Variants in LEPR observed in about 807,000 individuals in gnomAD.
LEPR encodes the protein leptin receptor, also known as OB receptor.
LEPR carries 56 observed loss-of-function variants against 114.7 expected under a neutral mutation model. That is an observed-to-expected ratio of 0.49 (90% CI 0.39 to 0.61). LEPR has a LOEUF of 0.61. Among genes scored for constraint, LEPR ranks in the 20% least tolerant of loss-of-function variants. The probability of loss-of-function intolerance (pLI) is 0.00; values close to 1 mark genes in which losing one functional copy is unlikely to be tolerated. For synonymous variants in LEPR, 443 were observed against 461.4 expected (o/e 0.96, Z 0.51); for missense variants, 1,202 against 1,352.9 (o/e 0.89, Z 1.75).
At chr1:65,582,443 G>A (rs1055676789) in intron 5 of LEPR, among the ~76,000 whole-genome samples, 3 of 152,242 alleles carry the variant, frequency 2.0e-5, no homozygotes, top group South Asian at 4.1e-4. Flanking sequence ...CCTGGCTATC[G>A]GCTGGAGACC....
intron 7 of LEPR, among the ~76,000 whole-genome samples, chr1:65,598,095 CTTTT>C (rs1226626771): frequency 0.016 from 1,596 of 101,518 alleles, 71 homozygotes; most frequent in African/African-American, 0.066. Context: ...CCTCCTGCCT[CTTTT>C]TTTTTTTTTT....
rs150936702 is a variant in LEPR, at chr1:65,618,011, G to A, written c.2260G>A (p.Val754Met). 1.0e-3 allele frequency: 1,634 copies of A among 1,612,852 alleles called. 1 individual carries two copies. The highest frequency in any genetic ancestry group is 1.3e-3 in the Non-Finnish European group (1,561 of 1,179,552). ...TGCTTATCCTTTAAACAGCAGTTGTGTGATTGTTTCCTGGATACTATCACC... is the reference window on the plus strand; with the variant it reads ...TGCTTATCCTTTAAACAGCAGTTGTATGATTGTTTCCTGGATACTATCACC... Reference protein sequence around the residue: ...LSAYPLNSSCVIVSWILSPSD... With the variant: ...LSAYPLNSSCMIVSWILSPSD... Residue 754 changes from valine to methionine, a missense_variant, in exon 16 of 20, where the codon GTG becomes ATG. Val to Met is a conservative substitution (Grantham distance 21). Transcript: ENST00000349533.
chr1:65,440,000 CAAAA>C (rs550347312), intron 2 of LEPR, among the ~76,000 whole-genome samples: 22 of 58,144 alleles, frequency 3.8e-4, no homozygotes, highest in Non-Finnish European at 5.5e-4. Flanking sequence ...GATTCTGTCT[CAAAA>C]AAAAAAAAAA....
rs1163219277 is a variant in LEPR, at chr1:65,420,734, G to A, written c.-103G>A. On this transcript the variant is annotated 5_prime_UTR_variant, in exon 1 of 20. Coordinates refer to ENST00000349533, the MANE Select transcript of LEPR (RefSeq NM_002303.6). ...CCCCAGTTCGGGAGACATGGCGGGC[G>A]TTAAAGGTACATCGCGGTCCCCGGC... 4 of 1,582,918 alleles carry A rather than the reference G, an allele frequency of 2.5e-6. No individual in the cohort carries two copies. Among genetic ancestry groups the A allele is most frequent in the Middle Eastern group, 1.7e-4 (1 of 5,890 alleles).
intron 2 of LEPR, among the ~76,000 whole-genome samples, chr1:65,489,775 C>T (rs1233064067): frequency 6.6e-6 from 1 of 152,130 alleles, no homozygotes; most frequent in Admixed American, 6.6e-5. Context: ...ACCAAATCAA[C>T]CAACATTTAA....
In LEPR at chr1:65,633,797, A is replaced by T. The variant is rs1454426558; in HGVS notation, c.2674-2394A>T. The T allele has an allele frequency of 1.0e-6, 1 of 985,496 alleles. No individual in the cohort carries two copies. Among genetic ancestry groups the T allele is most frequent in the Non-Finnish European group, 1.2e-6 (1 of 830,158 alleles). The allele number at this position is 985,496 out of a possible 1,614,324, so 61.0% of individuals were successfully genotyped here. A position where few individuals can be genotyped will look rare whatever the true frequency, so the allele number is the denominator to read the frequency against. ...TTTTCAATATCCTTGAAAATGGCTT[A>T]AGTGATAACTTCCGTTTCAGTTAAA... On this transcript the variant is annotated intron_variant, in intron 19 of 19. Coordinates refer to ENST00000349533, the MANE Select transcript of LEPR (RefSeq NM_002303.6). This position sits in a 1 kb window ranked among gnomAD's most constrained non-coding sequence, Gnocchi z 4.1.
rs1654098615 is a variant in LEPR at position 65,570,793 on chromosome 1, C to T, written c.361C>T (p.Gln121Ter). Residue 121 changes from glutamine to a stop codon, truncating the protein, a stop_gained, in exon 4 of 20, where the codon CAA becomes TAA. Coordinates refer to ENST00000349533, the MANE Select transcript of LEPR (RefSeq NM_002303.6). LOFTEE classifies it high-confidence loss of function. ...TTCAACAGTAAATTCTTTAGTTTTT[C>T]AACAAATAGGTAAGCATTAGCTATG... ...FVSTVNSLVFQQIDANWNIQC... is the reference protein window; with the variant it reads ...FVSTVNSLVF 6.4e-7 allele frequency: 1 copy of T among 1,555,260 alleles called. No homozygotes were observed. The highest frequency in any genetic ancestry group is 8.7e-7 in the Non-Finnish European group (1 of 1,152,576).
intron 8 of LEPR, among the ~76,000 whole-genome samples, chr1:65,600,741 G>A (rs1656392477): frequency 6.6e-6 from 1 of 151,958 alleles, no homozygotes; most frequent in African/African-American, 2.4e-5. Context: ...AAAAAATCAT[G>A]TTTTAGGAAA....
At chr1:65,478,631 A>C (rs1383526024) in intron 2 of LEPR, among the ~76,000 whole-genome samples, 2 of 152,192 alleles carry the variant, frequency 1.3e-5, no homozygotes. Flanking sequence ...GTGGGTACTT[A>C]ATCTGTTCAG....
At chr1:65,622,205 T>C (rs1178438481) in intron 18 of LEPR, among the ~76,000 whole-genome samples, 3 of 152,104 alleles carry the variant, frequency 2.0e-5, no homozygotes, top group African/African-American at 7.2e-5. Flanking sequence ...TCCTAAGCAG[T>C]ATGTTCTTGG....
At chr1:65,518,995 C>CTTCG (rs145341691) in intron 2 of LEPR, among the ~76,000 whole-genome samples, 22 of 144,250 alleles carry the variant, frequency 1.5e-4, no homozygotes, top group African/African-American at 5.7e-4. Flanking sequence ...TCCTTCCTTC[C>CTTCG]TTCTTTCTTC....
chr1:65,547,269 T>A lies in LEPR; in HGVS notation c.-20-18277T>A, dbSNP rs984254838. Among the ~76,000 whole-genome samples, 34 of 152,322 alleles carry A rather than the reference T, an allele frequency of 2.2e-4. 1 individual carries two copies. The highest frequency in any genetic ancestry group is 7.9e-4 in the African/African-American group (33 of 41,572). On this transcript the variant is annotated intron_variant, in intron 2 of 19. Coordinates refer to ENST00000349533, the MANE Select transcript of LEPR (RefSeq NM_002303.6). ...TCAAGGATATTGGTCTAAAATTCTC[T>A]TTTTTGGTTGTGTCTCTGCCTGGCT...
At chr1:65,614,518 C>G (rs1375216915) in intron 14 of LEPR, among the ~76,000 whole-genome samples, 1 of 152,180 alleles carries the variant, frequency 6.6e-6, no homozygotes, top group Non-Finnish European at 1.5e-5. Flanking sequence ...TACATAAGCA[C>G]TGTACTCTAG....
intron 19 of LEPR, among the ~76,000 whole-genome samples, chr1:65,630,839 A>G (rs996211528): frequency 6.6e-6 from 1 of 151,700 alleles, no homozygotes; most frequent in African/African-American, 2.4e-5. Flanking sequence ...TTTTATGCAT[A>G]TTTTCTTAAA....
At chr1:65,588,838 A>G (rs936896828) in intron 5 of LEPR, among the ~76,000 whole-genome samples, 1 of 152,104 alleles carries the variant, frequency 6.6e-6, no homozygotes, top group African/African-American at 2.4e-5. Flanking sequence ...ACCTGTTGAT[A>G]GGCATTTAAA....
At chr1:65,521,611 G>A (rs1649640591) in intron 2 of LEPR, among the ~76,000 whole-genome samples, 1 of 152,130 alleles carries the variant, frequency 6.6e-6, no homozygotes, top group Admixed American at 6.5e-5. Context: ...AGGTTTTAAA[G>A]GGACTTATTC....
chr1:65,457,574 G>A (rs80050000), intron 2 of LEPR, among the ~76,000 whole-genome samples: 1 of 152,148 alleles, frequency 6.6e-6, no homozygotes, highest in Admixed American at 6.6e-5. Flanking sequence ...TTTGTTACAC[G>A]CATACTGGTC....
At chr1:65,502,901 C>T (rs1648529830) in intron 2 of LEPR, among the ~76,000 whole-genome samples, 1 of 150,836 alleles carries the variant, frequency 6.6e-6, no homozygotes, top group African/African-American at 2.4e-5. Flanking sequence ...TATGGAGCTA[C>T]TGGGGACTAA....
At position 65,629,753 on chromosome 1, in the gene LEPR, T is replaced by C. The variant is rs570366204; in HGVS notation, c.2674-6438T>C. ...TCCCCTCCCATTATATAATCTATGC[T>C]GTTATGTTACCTATTTTATCCACTA... On this transcript the variant is annotated intron_variant, in intron 19 of 19. Transcript: ENST00000349533. Among the ~76,000 whole-genome samples the C allele has an allele frequency of 6.6e-5, 10 of 151,834 alleles. No homozygotes were observed. In the South Asian group the frequency reaches 2.1e-3, roughly 32 times the overall value.
Sources: allele counts gnomAD v4.1 joint callset (sites outside exome capture counted in the v4.1 genomes callset), GRCh38; gene constraint gnomAD v4.1.1; non-coding constraint Gnocchi (gnomAD v3.1); transcripts MANE v1.5; gene names NCBI Gene and HGNC (gene_info 2026-07-23, HGNC 2026-07-21).